Variants in ANK3 observed in about 807,000 individuals in gnomAD.
ANK3 encodes ankyrin-3.
Under a neutral mutation model 370.9 loss-of-function variants are expected in ANK3, and 57 were observed. The observed-to-expected ratio is 0.15, with a 90% confidence interval of 0.12 to 0.19. The LOEUF (loss-of-function observed/expected upper bound fraction) is 0.19, where lower values mean the gene tolerates loss of function less well. ANK3 is among the 10% of genes least tolerant of loss of function. The pLI is 1.00. For missense variants in ANK3, 4,439 were observed against 5,302.1 expected (o/e 0.84, Z 5.06); for synonymous variants, 1,929 against 1,946.3 (o/e 0.99, Z 0.23).
intron 1 of ANK3, among the ~76,000 whole-genome samples, chr10:60,338,878 T>C (rs1389043036): frequency 6.6e-6 from 1 of 151,352 alleles, no homozygotes; most frequent in Non-Finnish European, 1.5e-5. Context: ...ACATATTTAA[T>C]GTAGAAAAAT....
chr10:60,455,460 C>T (rs2064722932), intron 2 of ANK3, among the ~76,000 whole-genome samples: 1 of 152,102 alleles, frequency 6.6e-6, no homozygotes, highest in Admixed American at 6.6e-5. Context: ...AATAATAACG[C>T]ACTAGGGGCC....
chr10:60,612,561 G>C (rs939856548), intron 2 of ANK3, among the ~76,000 whole-genome samples: 23 of 152,026 alleles, frequency 1.5e-4, no homozygotes, highest in Admixed American at 1.5e-3. Context: ...GCGCGATCTC[G>C]GCTCACTGCA....
rs1048760738 is a variant in ANK3, at chr10:60,026,667, C to CTTA, written c.*3176_*3178dup. On this transcript the variant is annotated 3_prime_UTR_variant, in exon 44 of 44. Coordinates refer to ENST00000280772, the MANE Select transcript of ANK3 (RefSeq NM_020987.5). ...AGGAACATCAGGATGCCAAAAAGTCCTTATTTACAGAGGAAAGGAGGCTAG... is the reference window on the plus strand; with the variant it reads ...AGGAACATCAGGATGCCAAAAAGTCCTTATTATTTACAGAGGAAAGGAGGCTAG... 6.6e-6 allele frequency: 1 copy of CTTA among 152,100 alleles called. No individual in the cohort carries two copies. The highest frequency in any genetic ancestry group is 2.4e-5 in the African/African-American group (1 of 41,420). The allele number at this position is 152,100 out of a possible 1,614,324, so 9.4% of individuals were successfully genotyped here. A position where few individuals can be genotyped will look rare whatever the true frequency, so the allele number is the denominator to read the frequency against.
intron 2 of ANK3, among the ~76,000 whole-genome samples, chr10:60,597,469 G>A (rs1156925751): frequency 1.3e-5 from 2 of 152,170 alleles, no homozygotes; most frequent in African/African-American, 4.8e-5. Flanking sequence ...CAGCCTCTCT[G>A]TTCAGGGTAC....
At position 60,076,352 on chromosome 10, in the gene ANK3, G is replaced by A. The variant is rs779177678; in HGVS notation, c.4529C>T (p.Pro1510Leu). 50 of 1,613,914 alleles carry A rather than the reference G, an allele frequency of 3.1e-5. No individual in the cohort carries two copies. Among genetic ancestry groups the A allele is most frequent in the Non-Finnish European group, 4.0e-5 (47 of 1,179,970 alleles). ...CTTGGCTGGCCCAGGCACTGTAATC[G>A]GAGCTGTTGTCCAGGACTGGTATGG... ...TRPYQSWTTAPITVPGPAKSG... is the reference protein window; with the variant it reads ...TRPYQSWTTALITVPGPAKSG... Residue 1510 changes from proline (P) to leucine (L), a missense_variant, in exon 37 of 44, where the codon CCG (proline) becomes CTG (leucine). Coordinates refer to ENST00000280772, the MANE Select transcript of ANK3 (RefSeq NM_020987.5).
chr10:60,349,185 T>C (rs538545192), intron 1 of ANK3, among the ~76,000 whole-genome samples: 34 of 152,334 alleles, frequency 2.2e-4, no homozygotes, highest in South Asian at 1.0e-3. Context: ...GTGTTGCATT[T>C]TGCTTTTCAT....
chr10:60,465,458 A>G (rs2064988318), intron 2 of ANK3, among the ~76,000 whole-genome samples: 1 of 152,206 alleles, frequency 6.6e-6, no homozygotes, highest in South Asian at 2.1e-4. Context: ...ACCAGCAAAA[A>G]TAAATATAGT....
chr10:60,591,252 A>C (rs1307069362), intron 2 of ANK3, among the ~76,000 whole-genome samples: 1 of 152,110 alleles, frequency 6.6e-6, no homozygotes, highest in Non-Finnish European at 1.5e-5. Context: ...CCAGGCTTCC[A>C]TTCAAATCTG....
At chr10:60,406,703 A>G (rs2132917309) in intron 2 of ANK3, among the ~76,000 whole-genome samples, 1 of 152,336 alleles carries the variant, frequency 6.6e-6, no homozygotes, top group Middle Eastern at 3.4e-3. Flanking sequence ...AAAGATTATC[A>G]ATAAAAGGAC....
intron 17 of ANK3, among the ~76,000 whole-genome samples, chr10:60,184,859 T>C (rs985291647): frequency 5.9e-5 from 9 of 152,158 alleles, no homozygotes; most frequent in Admixed American, 2.6e-4. Context: ...AAGTACTACA[T>C]TGTTTCTGGA....
intron 42 of ANK3, 115 bp downstream of exon 42, chr10:60,055,543 T>G: frequency 7.5e-7 from 1 of 1,341,726 alleles, no homozygotes; most frequent in South Asian, 1.6e-5. Context: ...TTCACACATT[T>G]ATAATTTAGA....
At chr10:60,033,536 A>AAAAAAAAAAAAAAAAAAAAAAAAC (rs1554812951) in intron 43 of ANK3, among the ~76,000 whole-genome samples, 1 of 98,394 alleles carries the variant, frequency 1.0e-5, no homozygotes, top group Non-Finnish European at 2.0e-5. Flanking sequence ...AAAAAAAAAA[A>AAAAAAAAAAAAAAAAAAAAAAAAC]AAACTTGGAA....
At chr10:60,644,202 T>C (rs1375405502) in intron 1 of ANK3, among the ~76,000 whole-genome samples, 2 of 152,338 alleles carry the variant, frequency 1.3e-5, no homozygotes, top group Non-Finnish European at 1.5e-5. Flanking sequence ...ACACTCACCA[T>C]GCAGGTATTG....
intron 1 of ANK3, among the ~76,000 whole-genome samples, chr10:60,670,169 C>T (rs923965694): frequency 6.6e-6 from 1 of 152,068 alleles, no homozygotes; most frequent in Non-Finnish European, 1.5e-5. Flanking sequence ...AATGAATATA[C>T]TCTGACCTCC....
intron 1 of ANK3, among the ~76,000 whole-genome samples, chr10:60,287,515 G>T (rs756722797): frequency 1.3e-5 from 2 of 152,198 alleles, no homozygotes; most frequent in African/African-American, 2.4e-5. Context: ...GCAATTAAAT[G>T]AGTGCCTACT....
At chr10:60,574,538 A>G (rs1269105115) in intron 2 of ANK3, among the ~76,000 whole-genome samples, 1 of 152,146 alleles carries the variant, frequency 6.6e-6, no homozygotes, top group Non-Finnish European at 1.5e-5. Flanking sequence ...TGCAATATAA[A>G]AGGCAGAACA....
chr10:60,483,185 G>A (rs1369050271), intron 2 of ANK3, among the ~76,000 whole-genome samples: 1 of 152,102 alleles, frequency 6.6e-6, no homozygotes, highest in East Asian at 1.9e-4. Context: ...CTGGTGTTTG[G>A]AAAAAGGCCT....
At chr10:60,534,807 T>A (rs2076686465) in intron 2 of ANK3, among the ~76,000 whole-genome samples, 1 of 152,192 alleles carries the variant, frequency 6.6e-6, no homozygotes, top group Non-Finnish European at 1.5e-5. Context: ...GGAAAATGCA[T>A]GTTTCTTATT....
At chr10:60,516,084 T>C (rs754773217) in intron 2 of ANK3, among the ~76,000 whole-genome samples, 1 of 151,628 alleles carries the variant, frequency 6.6e-6, no homozygotes, top group Non-Finnish European at 1.5e-5. Flanking sequence ...TCCCTATTTA[T>C]AGGGGATAGA....
Sources: allele counts gnomAD v4.1 joint callset (sites outside exome capture counted in the v4.1 genomes callset), GRCh38; gene constraint gnomAD v4.1.1; transcripts MANE v1.5; gene names NCBI Gene and HGNC (gene_info 2026-07-23, HGNC 2026-07-21).